The following HEG1 variants were observed in gnomAD, a reference collection of about 807,000 sequenced individuals.
HEG1 encodes the protein protein HEG homolog 1.
A neutral mutation model predicts 125.6 loss-of-function variants in HEG1; 56 were observed. The ratio of observed to expected loss-of-function variants is 0.45; its 90% CI spans 0.36 to 0.56. The LOEUF is 0.56. HEG1 is among the 20% of genes least tolerant of loss of function. The pLI is 0.00. For missense variants in HEG1, 1,523 were observed against 1,670.0 expected, an observed-to-expected ratio of 0.91 and a Z score of 1.53; for synonymous variants, 644 against 668.5, an observed-to-expected ratio of 0.96 and a Z score of 0.57.
chr3:124,988,865 C>T (rs186762852), intron 14 of HEG1, among the ~76,000 whole-genome samples: 190 of 152,240 alleles, frequency 1.2e-3, no homozygotes, highest in Middle Eastern at 3.4e-3. Context: ...TGCAGTGAGC[C>T]GAGATCGTGC....
rs369179761 is a variant in HEG1 at position 124,995,522 on chromosome 3, A to T, written c.3652+2167T>A. 2.0e-4 allele frequency among the ~76,000 whole-genome samples: 31 copies of T among 152,324 alleles called. No homozygotes were observed. The South Asian group carries it at 6.0e-3, about 30-fold the overall frequency. On this transcript the variant is annotated intron_variant, in intron 12 of 16. Coordinates refer to ENST00000311127, the MANE Select transcript of HEG1 (RefSeq NM_020733.2). ...CTAATGTATAGCTTGAACTGCAGTG[A>T]TTTAGAAAACACACACTCCTCTATC...
At chr3:124,976,009 T>C (rs2107686564) in intron 15 of HEG1, among the ~76,000 whole-genome samples, 1 of 152,338 alleles carries the variant, frequency 6.6e-6, no homozygotes, top group East Asian at 1.9e-4. Flanking sequence ...TGAGTATACC[T>C]TTTCACTTCT....
At chr3:125,005,470 A>T in intron 8 of HEG1, 102 bp from the exon 9 acceptor site, 2 of 611,396 alleles carry the variant, frequency 3.3e-6, no homozygotes, top group South Asian at 4.2e-5. Flanking sequence ...TCCACCTCAC[A>T]GGACAATCTC....
At position 125,020,794 on chromosome 3, in the gene HEG1, G is replaced by C. The variant is rs1937323779; in HGVS notation, c.1250C>G (p.Pro417Arg). 1.9e-6 allele frequency: 3 copies of C among 1,610,182 alleles called. No individual in the cohort carries two copies. In the East Asian group the frequency reaches 6.7e-5, roughly 36 times the overall value. The change falls in exon 4 of 17, where the codon CCA becomes CGA. Residue 417 changes from proline (P) to arginine (R), a missense_variant and splice_region_variant. Coordinates refer to ENST00000311127, the MANE Select transcript of HEG1 (RefSeq NM_020733.2). ...TCAAGTAAAGATGGAATACTTACTTGGGGAATCATTTTGCCAACGCAAAGA... is the reference window on the plus strand; with the variant it reads ...TCAAGTAAAGATGGAATACTTACTTCGGGAATCATTTTGCCAACGCAAAGA... ...LTSLRWQNDS[P>R]TFGEHQLASS...
At chr3:125,008,991 G>A (rs929304302) in intron 8 of HEG1, among the ~76,000 whole-genome samples, 1 of 152,338 alleles carries the variant, frequency 6.6e-6, no homozygotes, top group South Asian at 2.1e-4. Context: ...CCACCAACCC[G>A]TTACGTAAGC....
chr3:125,036,658 G>C (rs1315159369), intron 1 of HEG1, among the ~76,000 whole-genome samples: 1 of 152,176 alleles, frequency 6.6e-6, no homozygotes, highest in East Asian at 1.9e-4. Context: ...CAAAGAACAT[G>C]AATGTGCAAT....
At chr3:125,044,464 G>A (rs115038042) in intron 1 of HEG1, among the ~76,000 whole-genome samples, 5 of 152,136 alleles carry the variant, frequency 3.3e-5, no homozygotes, top group Non-Finnish European at 5.9e-5. Flanking sequence ...CAGCCAAAAC[G>A]TAGGTAGCAT....
chr3:124,990,724 C>G (rs980923423), intron 14 of HEG1, 63 bp downstream of exon 14: 5 of 1,459,044 alleles, frequency 3.4e-6, no homozygotes, highest in Non-Finnish European at 4.7e-6. Flanking sequence ...AGACTGACAC[C>G]TGTGCACTAA....
chr3:125,028,677 T>C (rs1937451987), intron 2 of HEG1, among the ~76,000 whole-genome samples: 1 of 152,232 alleles, frequency 6.6e-6, no homozygotes, highest in South Asian at 2.1e-4. Flanking sequence ...CTAGAAGGAT[T>C]GAGAGAACAG....
At chr3:124,980,524 T>G (rs1279465841) in intron 14 of HEG1, among the ~76,000 whole-genome samples, 1 of 152,188 alleles carries the variant, frequency 6.6e-6, no homozygotes, top group African/African-American at 2.4e-5. Context: ...TTTTTTTATT[T>G]TTTTTTTATT....
chr3:125,008,907 T>G (rs759032323), intron 8 of HEG1, among the ~76,000 whole-genome samples: 5 of 152,272 alleles, frequency 3.3e-5, no homozygotes, highest in Non-Finnish European at 7.3e-5. Context: ...GGTCACACCC[T>G]GCAAGCAAGA....
intron 14 of HEG1, among the ~76,000 whole-genome samples, chr3:124,989,541 G>A (rs546756713): frequency 6.6e-6 from 1 of 152,258 alleles, no homozygotes; most frequent in Admixed American, 6.5e-5. Context: ...AATTTCTAAT[G>A]TATGAATATA....
intron 1 of HEG1, among the ~76,000 whole-genome samples, chr3:125,043,105 C>T (rs1001109460): frequency 1.3e-5 from 2 of 152,310 alleles, no homozygotes; most frequent in Non-Finnish European, 2.9e-5. Context: ...TGAGATTTGA[C>T]GATCAGATTT....
chr3:125,008,153 G>C (rs1937099173), intron 8 of HEG1, among the ~76,000 whole-genome samples: 1 of 152,156 alleles, frequency 6.6e-6, no homozygotes, highest in Admixed American at 6.5e-5. Flanking sequence ...CAAGTGATCA[G>C]CCCGCCTCAG....
At chr3:125,011,482 G>A (rs1037483253) in intron 6 of HEG1, among the ~76,000 whole-genome samples, 1 of 152,194 alleles carries the variant, frequency 6.6e-6, no homozygotes, top group African/African-American at 2.4e-5. Context: ...GGAGACTTGT[G>A]AATTAGATTT....
At chr3:125,039,855 A>G (rs1054886572) in intron 1 of HEG1, among the ~76,000 whole-genome samples, 1 of 151,286 alleles carries the variant, frequency 6.6e-6, no homozygotes, top group African/African-American at 2.4e-5. Context: ...AAAAACAACA[A>G]AAAAAAACAA....
intron 15 of HEG1, among the ~76,000 whole-genome samples, chr3:124,974,890 G>A (rs1213126168): frequency 6.6e-6 from 1 of 152,140 alleles, no homozygotes; most frequent in African/African-American, 2.4e-5. Context: ...GGTGGGTGGG[G>A]TACCTGGGCT....
chr3:125,016,665 T>A (rs1352599281), intron 5 of HEG1, among the ~76,000 whole-genome samples: 2 of 152,250 alleles, frequency 1.3e-5, no homozygotes, highest in African/African-American at 2.4e-5. Flanking sequence ...CATATGCTTT[T>A]CCACATCACG....
chr3:125,032,770 C>A (rs1937513053), intron 1 of HEG1, among the ~76,000 whole-genome samples: 1 of 152,156 alleles, frequency 6.6e-6, no homozygotes, highest in East Asian at 1.9e-4. Context: ...ACCCATGCCC[C>A]AAAGCTGGCC....
Sources: allele counts gnomAD v4.1 joint callset (sites outside exome capture counted in the v4.1 genomes callset), GRCh38; gene constraint gnomAD v4.1.1; transcripts MANE v1.5; gene names NCBI Gene and HGNC (gene_info 2026-07-23, HGNC 2026-07-21).